AGMO: variants seen among roughly 807,000 people sequenced by gnomAD.
The protein encoded by AGMO is glyceryl-ether monooxygenase.
In AGMO, 75 loss-of-function variants were observed where a neutral mutation model predicts 60.2. That is an observed-to-expected ratio of 1.25 (90% CI 1.03 to 1.51). The LOEUF (loss-of-function observed/expected upper bound fraction) is 1.51. AGMO is among the 40% of genes most tolerant of loss of function. The pLI, the probability that AGMO is intolerant of heterozygous loss-of-function variation, is 0.00. For synonymous variants in AGMO, 261 were observed against 177.1 expected (o/e 1.47, Z -3.76); for missense variants, 763 against 525.5 (o/e 1.45, Z -4.42).
intron 3 of AGMO, among the ~76,000 whole-genome samples, chr7:15,525,470 C>G (rs984637143): frequency 6.6e-6 from 1 of 152,114 alleles, no homozygotes; most frequent in South Asian, 2.1e-4. Flanking sequence ...CTTTTGCATA[C>G]TCACAAACCA....
chr7:15,558,187 A>G (rs899205278), intron 2 of AGMO, among the ~76,000 whole-genome samples: 4 of 152,068 alleles, frequency 2.6e-5, no homozygotes, highest in African/African-American at 4.8e-5. Flanking sequence ...ATGTTATGAT[A>G]AGAGAACAAT....
the AGMO span, among the ~76,000 whole-genome samples, chr7:15,164,501 C>T: frequency 6.6e-6 from 1 of 151,818 alleles, no homozygotes; most frequent in Admixed American, 6.6e-5. Context: ...CCTTCATATT[C>T]AGAATCTATA....
chr7:15,561,994 A>G lies in AGMO; in HGVS notation c.-149T>C, dbSNP rs374066204. The G allele has an allele frequency of 2.9e-6, 2 of 683,346 alleles. No homozygotes were observed. Among genetic ancestry groups the G allele is most frequent in the East Asian group, 2.9e-5 (1 of 35,032 alleles). The allele number at this position is 683,346 out of a possible 1,614,324, so 42.3% of individuals were successfully genotyped here. ...CAAAGCTCCACTGAGAGCACACTCA[A>G]CAGCCGATTCTGTGTAGAGAGACAG... is the stretch of plus-strand genomic sequence containing the variant. On this transcript the variant is annotated 5_prime_UTR_variant, in exon 1 of 13. Transcript: ENST00000342526.
At chr7:15,184,385 AAAGAAGAG>A in the AGMO span, among the ~76,000 whole-genome samples, 1 of 115,676 alleles carries the variant, frequency 8.6e-6, no homozygotes, top group African/African-American at 3.6e-5. Context: ...GGAAGGAAGG[AAAGAAGAG>A]AGGGAGGAAG....
intron 3 of AGMO, among the ~76,000 whole-genome samples, chr7:15,459,581 A>AAATGTGTG (rs1316357497): frequency 6.2e-5 from 2 of 32,028 alleles, no homozygotes; most frequent in African/African-American, 2.4e-4. Context: ...TTTGATCTTT[A>AAATGTGTG]AATGTGTGTA....
rs796711529 is a variant in AGMO at position 15,321,982 on chromosome 7, ATAAAC to A, written c.1263+43527_1263+43531del. ...AATTATAAATTCATTAAAAATGAAA[ATAAAC>A]TAAGGAAAAGAGGTTAGGCTTTTTT... On this transcript the variant is annotated intron_variant, in intron 12 of 12. Transcript: ENST00000342526. Among the ~76,000 whole-genome samples the A allele has an allele frequency of 2.0e-5, 3 of 151,946 alleles. No individual in the cohort carries two copies. The East Asian group carries it at 5.8e-4, about 29-fold the overall frequency.
In AGMO at chr7:15,385,555, C is replaced by T. The variant is rs150334002; in HGVS notation, c.965G>A (p.Gly322Asp). 879 of 1,595,590 alleles carry T rather than the reference C, an allele frequency of 5.5e-4. 1 individual carries two copies. Among genetic ancestry groups the T allele is most frequent in the Non-Finnish European group, 6.7e-4 (779 of 1,163,810 alleles). Residue 322 changes from glycine to aspartate, a missense_variant, in exon 10 of 13, where the codon GGC becomes GAC. Transcript: ENST00000342526. The stretch of plus-strand genomic sequence containing the variant: ...AGATGATGAGAAGGGAACTTCTTTG[C>T]CGGTGACCTAGGGAGACAAGAACCA... ...GLSEEIPEVT[G>D]KEVPFSSSSS...
At chr7:15,464,566 A>C (rs1177779116) in intron 3 of AGMO, among the ~76,000 whole-genome samples, 2 of 152,176 alleles carry the variant, frequency 1.3e-5, no homozygotes, top group East Asian at 3.9e-4. Flanking sequence ...TGGCCACATT[A>C]GTTTCAAAAA....
the AGMO span, among the ~76,000 whole-genome samples, chr7:15,158,588 T>C: frequency 6.6e-6 from 1 of 152,200 alleles, no homozygotes; most frequent in Non-Finnish European, 1.5e-5. Flanking sequence ...GCAAAGGAAA[T>C]AGTTTCATGC....
At chr7:15,374,229 A>T (rs1443236736) in intron 10 of AGMO, among the ~76,000 whole-genome samples, 3 of 152,114 alleles carry the variant, frequency 2.0e-5, no homozygotes, top group Non-Finnish European at 2.9e-5. Flanking sequence ...TGGCTATCTT[A>T]TTCTTTTCCC....
the AGMO span, among the ~76,000 whole-genome samples, chr7:15,168,750 A>G: frequency 2.6e-5 from 4 of 152,234 alleles, no homozygotes; most frequent in East Asian, 1.9e-4. Flanking sequence ...CCCACACTCA[A>G]TGCAGTTTTT....
the AGMO span, among the ~76,000 whole-genome samples, chr7:15,143,473 C>T: frequency 1.3e-5 from 2 of 152,172 alleles, no homozygotes; most frequent in African/African-American, 2.4e-5. Context: ...TGGATGCCAA[C>T]ATCTAACTAA....
At chr7:15,222,653 T>A (rs1357107030) in intron 12 of AGMO, among the ~76,000 whole-genome samples, 1 of 152,090 alleles carries the variant, frequency 6.6e-6, no homozygotes, top group African/African-American at 2.4e-5. Context: ...TTCTTTATAA[T>A]GAACATTTTC....
intron 4 of AGMO, among the ~76,000 whole-genome samples, chr7:15,425,941 A>C (rs2128496645): frequency 6.6e-6 from 1 of 152,308 alleles, no homozygotes; most frequent in South Asian, 2.1e-4. Flanking sequence ...ATTTGTCATT[A>C]ATTTATTATG....
chr7:15,397,187 A>G (rs1784423808), intron 5 of AGMO, among the ~76,000 whole-genome samples: 1 of 152,270 alleles, frequency 6.6e-6, no homozygotes, highest in African/African-American at 2.4e-5. Flanking sequence ...GAAGCGAGAA[A>G]GAGACGGAGA....
intron 4 of AGMO, among the ~76,000 whole-genome samples, chr7:15,429,707 C>T (rs977518447): frequency 1.3e-5 from 2 of 151,936 alleles, no homozygotes; most frequent in African/African-American, 4.8e-5. Context: ...TAGTAACATC[C>T]CTGGCTTATA....
intron 11 of AGMO, 52 bp from the exon 12 acceptor site, chr7:15,365,671 G>C (rs754094409): frequency 8.4e-7 from 1 of 1,191,758 alleles, no homozygotes; most frequent in African/African-American, 1.5e-5. Context: ...CTCTTTATAT[G>C]TTCACATGTT....
At chr7:15,364,782 C>T (rs1029208270) in intron 12 of AGMO, among the ~76,000 whole-genome samples, 8 of 151,840 alleles carry the variant, frequency 5.3e-5, no homozygotes, top group East Asian at 1.9e-4. Flanking sequence ...ATGCTAAGAG[C>T]GGGGGATATT....
At chr7:15,238,461 A>C (rs1782491328) in intron 12 of AGMO, among the ~76,000 whole-genome samples, 1 of 151,878 alleles carries the variant, frequency 6.6e-6, no homozygotes, top group Non-Finnish European at 1.5e-5. Context: ...GAGTTGATAG[A>C]TATCCCAAAT....
Sources: gnomAD v4.1 joint callset for allele counts (sites outside exome capture counted in the v4.1 genomes callset) on GRCh38, gnomAD v4.1.1 for gene constraint, MANE v1.5 for transcripts, NCBI Gene and HGNC (gene_info 2026-07-23, HGNC 2026-07-21) for gene names.